The following AUTS2 variants were observed in gnomAD, a reference collection of about 807,000 sequenced individuals.
The protein encoded by AUTS2 is autism susceptibility gene 2 protein.
Under a neutral mutation model 112.4 loss-of-function variants are expected in AUTS2, and 17 were observed. The observed-to-expected ratio is 0.15, with a 90% CI of 0.10 to 0.23. The LOEUF (loss-of-function observed/expected upper bound fraction) is 0.23, where lower values mean the gene tolerates loss of function less well. AUTS2 is among the 10% of genes least tolerant of loss of function. The pLI is 1.00. For missense variants in AUTS2, 1,510 were observed against 1,701.6 expected (o/e 0.89, Z 1.98); for synonymous variants, 751 against 702.7 (o/e 1.07, Z -1.09).
intron 4 of AUTS2, among the ~76,000 whole-genome samples, chr7:70,273,657 A>AG (rs1248511058): frequency 3.9e-5 from 6 of 152,108 alleles, no homozygotes; most frequent in African/African-American, 1.4e-4. Context: ...TGGTATACTG[A>AG]GGGAATTGGT....
chr7:70,353,628 G>A (rs941020407), intron 4 of AUTS2, among the ~76,000 whole-genome samples: 4 of 152,138 alleles, frequency 2.6e-5, no homozygotes, highest in Non-Finnish European at 5.9e-5. Flanking sequence ...TGTTCATAAA[G>A]GGTCTGTAAA....
chr7:69,641,312 A>G (rs1189358057), intron 1 of AUTS2, among the ~76,000 whole-genome samples: 33 of 152,234 alleles, frequency 2.2e-4, no homozygotes, highest in Admixed American at 2.2e-3. Flanking sequence ...CCTCCAGACA[A>G]AATTCTACTC....
At chr7:70,380,033 A>G (rs1793297449) in intron 4 of AUTS2, among the ~76,000 whole-genome samples, 1 of 152,220 alleles carries the variant, frequency 6.6e-6, no homozygotes, top group Non-Finnish European at 1.5e-5. Flanking sequence ...ATCATGTACA[A>G]AACATGACTG....
At chr7:70,538,115 T>G (rs1019400587) in intron 5 of AUTS2, among the ~76,000 whole-genome samples, 4 of 152,278 alleles carry the variant, frequency 2.6e-5, no homozygotes, top group Non-Finnish European at 4.4e-5. Context: ...CGTGCACCTA[T>G]AGTCCCAGCT....
chr7:69,811,671 G>T (rs1421202858), intron 1 of AUTS2, among the ~76,000 whole-genome samples: 1 of 152,068 alleles, frequency 6.6e-6, no homozygotes, highest in Non-Finnish European at 1.5e-5. Context: ...AGGTCCATGG[G>T]ACTTGAAAAT....
intron 4 of AUTS2, among the ~76,000 whole-genome samples, chr7:70,284,106 T>A (rs1391611419): frequency 6.6e-6 from 1 of 152,182 alleles, no homozygotes. Flanking sequence ...AACAAAAAAT[T>A]ACCAGTACAT....
chr7:70,101,370 T>G (rs2129569491), intron 2 of AUTS2, among the ~76,000 whole-genome samples: 1 of 149,214 alleles, frequency 6.7e-6, no homozygotes, highest in South Asian at 2.1e-4. Flanking sequence ...TCATAAGAAC[T>G]GCCAAAAAAA....
chr7:70,235,811 C>T (rs1275656161), intron 4 of AUTS2, among the ~76,000 whole-genome samples: 3 of 151,902 alleles, frequency 2.0e-5, no homozygotes, highest in South Asian at 4.2e-4. Flanking sequence ...ACCACCATGC[C>T]GGGCTAATTT....
intron 3 of AUTS2, chr7:70,120,367 AGTATTTTACTGTGTGT>A (rs1469051485): frequency 6.6e-6 from 1 of 152,176 alleles, no homozygotes; most frequent in Non-Finnish European, 1.5e-5. Context: ...GAGTACTAAC[AGTATTTTACTGTGTGT>A]GTGTTTCTGT....
At chr7:69,800,825 G>C (rs1459225661) in intron 1 of AUTS2, among the ~76,000 whole-genome samples, 1 of 152,078 alleles carries the variant, frequency 6.6e-6, no homozygotes, top group African/African-American at 2.4e-5. Context: ...TTCCTGAAGA[G>C]GGCTGTGTTT....
chr7:70,519,770 G>A (rs572970446), intron 5 of AUTS2, among the ~76,000 whole-genome samples: 2 of 152,264 alleles, frequency 1.3e-5, no homozygotes, highest in Middle Eastern at 3.4e-3. Flanking sequence ...AGTGACACTG[G>A]CAGGGTTCTA....
intron 4 of AUTS2, among the ~76,000 whole-genome samples, chr7:70,147,371 G>A (rs1242048924): frequency 2.6e-5 from 4 of 152,114 alleles, no homozygotes; most frequent in South Asian, 2.1e-4. Flanking sequence ...GAGGAATATT[G>A]AAATGAGTGT....
chr7:70,440,144 G>A lies in AUTS2; in HGVS notation c.690+4363G>A, dbSNP rs375167611. Among the ~76,000 whole-genome samples, 55 of 151,598 alleles carry A rather than the reference G, an allele frequency of 3.6e-4. 1 individual carries two copies. The South Asian group carries it at 0.011, about 32-fold the overall frequency. On this transcript the variant is annotated intron_variant, in intron 5 of 18. Coordinates refer to ENST00000342771, the MANE Select transcript of AUTS2 (RefSeq NM_015570.4). Reference sequence around the variant, plus strand: ...GGCGGTAATCCCAGCACTTAGGGAGGCCAAGGCAGGACAAAGTGGGCTCTT... The same window carrying A: ...GGCGGTAATCCCAGCACTTAGGGAGACCAAGGCAGGACAAAGTGGGCTCTT...
intron 2 of AUTS2, among the ~76,000 whole-genome samples, chr7:69,946,100 G>A (rs1455563871): frequency 6.6e-6 from 1 of 152,132 alleles, no homozygotes; most frequent in Non-Finnish European, 1.5e-5. Flanking sequence ...TCTCATCTCT[G>A]CCTCCCAAAG....
chr7:69,963,626 A>G (rs1409137928), intron 2 of AUTS2, among the ~76,000 whole-genome samples: 1 of 152,154 alleles, frequency 6.6e-6, no homozygotes, highest in African/African-American at 2.4e-5. Context: ...TATCAAGCTC[A>G]ATTGTGAGCC....
chr7:70,249,747 T>A (rs1786487254), intron 4 of AUTS2, among the ~76,000 whole-genome samples: 1 of 151,806 alleles, frequency 6.6e-6, no homozygotes, highest in South Asian at 2.1e-4. Context: ...TGACTCAAAC[T>A]CAGTAAGTGG....
chr7:69,821,043 A>G (rs969834219), intron 1 of AUTS2, among the ~76,000 whole-genome samples: 1 of 152,178 alleles, frequency 6.6e-6, no homozygotes, highest in Admixed American at 6.5e-5. Flanking sequence ...GCCTAAGGCT[A>G]CTACTTTAAA....
At chr7:70,479,505 C>T (rs1797707626) in intron 5 of AUTS2, among the ~76,000 whole-genome samples, 1 of 152,184 alleles carries the variant, frequency 6.6e-6, no homozygotes. Flanking sequence ...CCCTGCCCTC[C>T]ACGAGTAGCC....
chr7:70,535,500 C>T (rs968853733), intron 5 of AUTS2, among the ~76,000 whole-genome samples: 14 of 152,040 alleles, frequency 9.2e-5, no homozygotes, highest in Non-Finnish European at 1.3e-4. Flanking sequence ...CTGCAACCTC[C>T]GCCTCCCAGG....
Sources: allele counts gnomAD v4.1 joint callset (sites outside exome capture counted in the v4.1 genomes callset), GRCh38; gene constraint gnomAD v4.1.1; transcripts MANE v1.5; gene names NCBI Gene and HGNC (gene_info 2026-07-23, HGNC 2026-07-21).